The following TSPAN9 variants were observed in gnomAD, a reference collection of about 807,000 sequenced individuals.
TSPAN9 encodes tetraspanin-9.
In TSPAN9, 16 loss-of-function variants were observed where a neutral mutation model predicts 31.0. That is an observed-to-expected ratio of 0.52 (90% CI 0.35 to 0.78). The LOEUF (loss-of-function observed/expected upper bound fraction) is 0.78, where lower values mean the gene tolerates loss of function less well. Among genes scored for constraint, TSPAN9 ranks in the 30% least tolerant of loss-of-function variants. The pLI is 0.01. For missense variants in TSPAN9, 272 were observed against 312.5 expected (o/e 0.87, Z 0.98); for synonymous variants, 145 against 121.6 (o/e 1.19, Z -1.27).
chr12:3,207,268 A>C (rs2098375801), intron 3 of TSPAN9, among the ~76,000 whole-genome samples: 1 of 151,628 alleles, frequency 6.6e-6, no homozygotes, highest in Non-Finnish European at 1.5e-5. Context: ...CCAGCTTCAG[A>C]GAGATGCCCC....
chr12:3,281,639 G>A lies in TSPAN9; in HGVS notation c.565-95G>A, dbSNP rs1591724448. ...CCAGGGAGGGCTGGGAGGTAAGAGC[G>A]AGGACGAGGTGGAAGGAGAGAGTGA... is the stretch of plus-strand genomic sequence containing the variant. On this transcript the variant is annotated intron_variant, in intron 7 of 8. Coordinates refer to ENST00000011898, the MANE Select transcript of TSPAN9 (RefSeq NM_006675.5). The A allele has an allele frequency of 1.2e-5, 17 of 1,409,380 alleles. No individual in the cohort carries two copies. The East Asian group carries it at 1.4e-4, about 12-fold the overall frequency. The allele number at this position is 1,409,380 out of a possible 1,614,324, so 87.3% of individuals were successfully genotyped here.
intron 2 of TSPAN9, among the ~76,000 whole-genome samples, chr12:3,112,924 C>T (rs1406183421): frequency 6.6e-6 from 1 of 152,084 alleles, no homozygotes; most frequent in Non-Finnish European, 1.5e-5. Flanking sequence ...CTGCAATTCT[C>T]CTGCCTTGGC....
At chr12:3,127,553 C>T (rs1215562088) in intron 2 of TSPAN9, among the ~76,000 whole-genome samples, 1 of 152,006 alleles carries the variant, frequency 6.6e-6, no homozygotes, top group Non-Finnish European at 1.5e-5. Context: ...GATGGGGTTT[C>T]ACCGTGTTAG....
chr12:3,232,775 A>G (rs2098391452), intron 3 of TSPAN9, among the ~76,000 whole-genome samples: 1 of 152,156 alleles, frequency 6.6e-6, no homozygotes, highest in African/African-American at 2.4e-5. Context: ...TTCCTCAGAC[A>G]CAGGAAGCGC....
chr12:3,195,318 A>G (rs1363380028), intron 2 of TSPAN9, among the ~76,000 whole-genome samples: 1 of 152,180 alleles, frequency 6.6e-6, no homozygotes, highest in Admixed American at 6.5e-5. Context: ...ATTTACTCCA[A>G]AGCCCACATC....
At chr12:3,238,286 G>C (rs554276759) in intron 3 of TSPAN9, among the ~76,000 whole-genome samples, 18 of 152,306 alleles carry the variant, frequency 1.2e-4, no homozygotes, top group Admixed American at 2.0e-4. Context: ...TTCCCACTCT[G>C]CTGAGCAACT....
chr12:3,254,034 C>A (rs1420790362), intron 3 of TSPAN9, among the ~76,000 whole-genome samples: 2 of 152,182 alleles, frequency 1.3e-5, no homozygotes, highest in African/African-American at 4.8e-5. Flanking sequence ...GGAACAAGTC[C>A]TGGCCCTCCT....
At chr12:3,225,226 A>G (rs2098386564) in intron 3 of TSPAN9, among the ~76,000 whole-genome samples, 1 of 152,074 alleles carries the variant, frequency 6.6e-6, no homozygotes, top group Admixed American at 6.5e-5. Flanking sequence ...CATCCGACCC[A>G]CAGCGCACAG....
chr12:3,234,182 A>G (rs1344385298), intron 3 of TSPAN9, among the ~76,000 whole-genome samples: 1 of 152,234 alleles, frequency 6.6e-6, no homozygotes, highest in African/African-American at 2.4e-5. Flanking sequence ...AGACTTTCAC[A>G]TTGGCCATGC....
At chr12:3,113,887 A>G (rs1292780254) in intron 2 of TSPAN9, among the ~76,000 whole-genome samples, 2 of 152,062 alleles carry the variant, frequency 1.3e-5, no homozygotes, top group Non-Finnish European at 2.9e-5. Context: ...GCTGTCTTTG[A>G]CCCTTGGCCT....
intron 3 of TSPAN9, chr12:3,273,111 C>T (rs1224290532): frequency 6.6e-6 from 1 of 152,242 alleles, no homozygotes; most frequent in Non-Finnish European, 1.5e-5. Flanking sequence ...TTTCCCTCCT[C>T]CGGAGTCAGG....
chr12:3,209,882 C>G (rs2098377480), intron 3 of TSPAN9, among the ~76,000 whole-genome samples: 1 of 150,754 alleles, frequency 6.6e-6, no homozygotes, highest in African/African-American at 2.4e-5. Flanking sequence ...TGGCATGAAC[C>G]CTGGAGGCAG....
intron 2 of TSPAN9, among the ~76,000 whole-genome samples, chr12:3,175,552 C>T (rs1388500382): frequency 1.3e-5 from 2 of 152,202 alleles, no homozygotes. Context: ...TTGAAAGACC[C>T]AGCCTCTCTC....
intron 3 of TSPAN9, among the ~76,000 whole-genome samples, chr12:3,258,121 A>G (rs1004825973): frequency 3.9e-5 from 6 of 152,150 alleles, no homozygotes; most frequent in Non-Finnish European, 8.8e-5. Context: ...GAAGCTCCTG[A>G]GCATGGACAT....
At chr12:3,262,011 CAG>C (rs1441954043) in intron 3 of TSPAN9, among the ~76,000 whole-genome samples, 11 of 152,360 alleles carry the variant, frequency 7.2e-5, no homozygotes, top group Non-Finnish European at 1.2e-4. Flanking sequence ...CAACAGAGGT[CAG>C]AGTTTCCTGA....
At chr12:3,221,236 A>T (rs1446249548) in intron 3 of TSPAN9, among the ~76,000 whole-genome samples, 1 of 152,136 alleles carries the variant, frequency 6.6e-6, no homozygotes, top group African/African-American at 2.4e-5. Flanking sequence ...ATATCTGCTT[A>T]TACTGGGAAA....
At chr12:3,116,153 C>G (rs1310603089) in intron 2 of TSPAN9, among the ~76,000 whole-genome samples, 2 of 152,106 alleles carry the variant, frequency 1.3e-5, no homozygotes, top group African/African-American at 4.8e-5. Flanking sequence ...TAGTGATGTC[C>G]CTGTTGCATT....
At chr12:3,169,923 C>T (rs1330763357) in intron 2 of TSPAN9, among the ~76,000 whole-genome samples, 1 of 151,612 alleles carries the variant, frequency 6.6e-6, no homozygotes, top group Non-Finnish European at 1.5e-5. Flanking sequence ...CCACTTGAAC[C>T]CAACCATGGG....
chr12:3,222,383 C>T (rs1253209090), intron 3 of TSPAN9, among the ~76,000 whole-genome samples: 2 of 152,200 alleles, frequency 1.3e-5, no homozygotes, highest in Admixed American at 6.5e-5. Flanking sequence ...CCAGGTTGGA[C>T]GGTGGTGGTA....
Sources: allele counts gnomAD v4.1 joint callset (sites outside exome capture counted in the v4.1 genomes callset), GRCh38; gene constraint gnomAD v4.1.1; transcripts MANE v1.5; gene names NCBI Gene and HGNC (gene_info 2026-07-23, HGNC 2026-07-21).